The following EFCAB11 variants were observed in gnomAD, a reference collection of about 807,000 sequenced individuals.
EFCAB11 encodes EF-hand calcium-binding domain-containing protein 11.
Under a neutral mutation model 23.0 loss-of-function variants are expected in EFCAB11, and 14 were observed. The ratio of observed to expected loss-of-function variants is 0.61; its 90% CI spans 0.40 to 0.95. The LOEUF is 0.95. EFCAB11 is among the 40% of genes least tolerant of loss of function. EFCAB11 has a pLI of 0.00. For synonymous variants in EFCAB11, 65 were observed against 66.6 expected (o/e 0.98, Z 0.11); for missense variants, 198 against 195.8 (o/e 1.01, Z -0.07).
At chr14:89,865,369 G>A (rs565043128) in intron 5 of EFCAB11, among the ~76,000 whole-genome samples, 1 of 152,228 alleles carries the variant, frequency 6.6e-6, no homozygotes, top group South Asian at 2.1e-4. Context: ...AGTCATATCC[G>A]ACAGAGCCTC....
Position 89,954,078 on chromosome 14 carries a change from A to C in EFCAB11, c.76-77T>G, listed in dbSNP as rs1891320014. 1.5e-5 allele frequency: 19 copies of C among 1,302,998 alleles called. 1 individual carries two copies. In the South Asian group the frequency reaches 2.5e-4, roughly 17 times the overall value. The allele number at this position is 1,302,998 out of a possible 1,614,324, so 80.7% of individuals were successfully genotyped here. A position where few individuals can be genotyped will look rare whatever the true frequency, so the allele number is the denominator to read the frequency against. The stretch of plus-strand genomic sequence containing the variant: ...ATTACTAGTTTATTATACAGTTTGG[A>C]CCTCGAAAATCTAAAACTTGGCCCA... On this transcript the variant is annotated intron_variant, in intron 1 of 5. Coordinates refer to ENST00000316738, the MANE Select transcript of EFCAB11 (RefSeq NM_145231.4).
chr14:89,940,969 T>C (rs1260164851), intron 3 of EFCAB11, among the ~76,000 whole-genome samples: 1 of 152,240 alleles, frequency 6.6e-6, no homozygotes, highest in African/African-American at 2.4e-5. Flanking sequence ...TATGTATACT[T>C]GGAACACACA....
intron 5 of EFCAB11, among the ~76,000 whole-genome samples, chr14:89,874,809 G>A (rs533585772): frequency 2.2e-4 from 34 of 152,082 alleles, no homozygotes; most frequent in Non-Finnish European, 4.0e-4. Flanking sequence ...AGAGAATGGC[G>A]TGGATCTGGG....
chr14:89,817,998 TAA>T (rs1566770042), intron 5 of EFCAB11, among the ~76,000 whole-genome samples: 5 of 66,980 alleles, frequency 7.5e-5, no homozygotes, highest in Non-Finnish European at 1.2e-4. Flanking sequence ...TGTCTCAAAA[TAA>T]ATAAATAAAT....
chr14:89,885,762 A>AGAAAG (rs1357127537), intron 5 of EFCAB11, among the ~76,000 whole-genome samples: 144 of 4,388 alleles, frequency 0.033, no homozygotes, highest in African/African-American at 0.09. Context: ...AAGAAAGGAA[A>AGAAAG]GAAAGAAAGA....
intron 5 of EFCAB11, among the ~76,000 whole-genome samples, chr14:89,930,522 A>G (rs1457727401): frequency 1.4e-5 from 2 of 144,856 alleles, no homozygotes; most frequent in Non-Finnish European, 3.0e-5. Context: ...AGTGGAAATA[A>G]TATATATCCT....
At chr14:89,812,172 TCTAAA>T (rs1387138940) in intron 5 of EFCAB11, among the ~76,000 whole-genome samples, 6 of 151,998 alleles carry the variant, frequency 3.9e-5, no homozygotes, top group South Asian at 2.1e-4. Flanking sequence ...AAAATAGTGA[TCTAAA>T]CTAAAGGGGG....
At chr14:89,814,068 G>T (rs1455605655) in intron 5 of EFCAB11, among the ~76,000 whole-genome samples, 1 of 137,450 alleles carries the variant, frequency 7.3e-6, no homozygotes, top group East Asian at 2.0e-4. Flanking sequence ...CTCCCTGGGG[G>T]GAGAAAAAAA....
intron 5 of EFCAB11, among the ~76,000 whole-genome samples, chr14:89,910,687 G>C (rs1419063760): frequency 1.3e-5 from 2 of 151,988 alleles, no homozygotes; most frequent in African/African-American, 2.4e-5. Context: ...GTCACTGAAT[G>C]TTTACTTACA....
chr14:89,874,836 G>A (rs1483535095), intron 5 of EFCAB11, among the ~76,000 whole-genome samples: 1 of 151,914 alleles, frequency 6.6e-6, no homozygotes, highest in Non-Finnish European at 1.5e-5. Flanking sequence ...AGCTTGCAGT[G>A]AGCCAAGATT....
intron 5 of EFCAB11, among the ~76,000 whole-genome samples, chr14:89,896,212 G>A (rs369709283): frequency 6.6e-6 from 1 of 152,086 alleles, no homozygotes; most frequent in Admixed American, 6.6e-5. Context: ...GTGAAACCCC[G>A]TCTCTACTAA....
chr14:89,911,436 G>A (rs546046683), intron 5 of EFCAB11, among the ~76,000 whole-genome samples: 3 of 152,300 alleles, frequency 2.0e-5, no homozygotes, highest in South Asian at 2.1e-4. Flanking sequence ...AGACAAACAC[G>A]AGAACCTTCC....
chr14:89,844,180 G>GA (rs200924480), intron 5 of EFCAB11, among the ~76,000 whole-genome samples: 1,717 of 152,290 alleles, frequency 0.011, 10 homozygotes, highest in Non-Finnish European at 0.018. Context: ...GCGTATAACA[G>GA]AAATGCTGTA....
At chr14:89,935,966 C>A (rs559075479) in intron 3 of EFCAB11, among the ~76,000 whole-genome samples, 1 of 152,050 alleles carries the variant, frequency 6.6e-6, no homozygotes, top group African/African-American at 2.4e-5. Flanking sequence ...CGAGATCGTG[C>A]CACTGCACTC....
chr14:89,926,801 G>C (rs1488517194), intron 5 of EFCAB11, among the ~76,000 whole-genome samples: 1 of 152,052 alleles, frequency 6.6e-6, no homozygotes, highest in East Asian at 1.9e-4. Context: ...AAAGACAGTG[G>C]GGAATATAAT....
intron 5 of EFCAB11, among the ~76,000 whole-genome samples, chr14:89,822,234 G>A (rs1347360245): frequency 6.6e-6 from 1 of 152,160 alleles, no homozygotes; most frequent in Non-Finnish European, 1.5e-5. Context: ...TTCTCAAAAT[G>A]AGCAAGTGTG....
intron 5 of EFCAB11, among the ~76,000 whole-genome samples, chr14:89,835,088 T>C (rs1027660264): frequency 6.6e-6 from 1 of 151,910 alleles, no homozygotes; most frequent in Admixed American, 6.6e-5. Context: ...CTTGGAGATA[T>C]AGGAGGCAAG....
At chr14:89,880,345 T>G (rs963150592) in intron 5 of EFCAB11, among the ~76,000 whole-genome samples, 4 of 152,178 alleles carry the variant, frequency 2.6e-5, no homozygotes, top group Admixed American at 1.3e-4. Context: ...GATCTTGGAC[T>G]TCCCAGCCTC....
intron 3 of EFCAB11, among the ~76,000 whole-genome samples, chr14:89,936,660 A>G (rs1036175468): frequency 6.6e-6 from 1 of 152,184 alleles, no homozygotes; most frequent in Non-Finnish European, 1.5e-5. Context: ...ATTTATCCAA[A>G]TACAAGACCC....
Sources: allele counts gnomAD v4.1 joint callset (sites outside exome capture counted in the v4.1 genomes callset), GRCh38; gene constraint gnomAD v4.1.1; transcripts MANE v1.5; gene names NCBI Gene and HGNC (gene_info 2026-07-23, HGNC 2026-07-21).